The following HIP1 variants were observed in gnomAD, a reference collection of about 807,000 sequenced individuals.
HIP1 encodes the protein huntingtin-interacting protein 1.
HIP1 carries 65 observed loss-of-function variants against 147.6 expected under a neutral mutation model. The ratio of observed to expected loss-of-function variants is 0.44; its 90% CI spans 0.36 to 0.54. The LOEUF (loss-of-function observed/expected upper bound fraction) is 0.54. Ranked by LOEUF, HIP1 falls within the 20% of genes least tolerant of loss-of-function variation. The pLI is 0.00. For missense variants in HIP1, 1,061 were observed against 1,299.6 expected, an observed-to-expected ratio of 0.82 and a Z score of 2.82; for synonymous variants, 479 against 504.0, an observed-to-expected ratio of 0.95 and a Z score of 0.67.
At chr7:75,547,558 G>A (rs1668935) in intron 24 of HIP1, among the ~76,000 whole-genome samples, 197 bp downstream of exon 24, 73,034 of 151,928 alleles carry the variant, frequency 0.48, 18,122 homozygotes, top group South Asian at 0.59. Context: ...GGGAGCTACC[G>A]CGCGGGTTTC....
At chr7:75,558,471 G>T (rs1301672130) in intron 14 of HIP1, among the ~76,000 whole-genome samples, 4 of 152,120 alleles carry the variant, frequency 2.6e-5, no homozygotes, top group Non-Finnish European at 5.9e-5. Flanking sequence ...CTGAGTAGCT[G>T]GGTTCATGGG....
chr7:75,669,989 C>T (rs995682013), intron 1 of HIP1, among the ~76,000 whole-genome samples: 28 of 152,048 alleles, frequency 1.8e-4, no homozygotes, highest in African/African-American at 4.3e-4. Context: ...TTAGTAGAGA[C>T]GGGGTTTCGT....
Position 75,592,487 on chromosome 7 carries a change from T to C in HIP1, c.212A>G (p.Lys71Arg), listed in dbSNP as rs1796530900. Residue 71 changes from lysine (K) to arginine (R), a missense_variant, in exon 3 of 31, where the codon AAA (lysine) becomes AGA (arginine). Around this residue, in one of 3 missense-constraint regions of HIP1, gnomAD observed 225 missense variants for 292.9 expected, o/e 0.77. Coordinates refer to ENST00000336926, the MANE Select transcript of HIP1 (RefSeq NM_005338.7). ...AACAGACCAGAAGGTCTGTGCCCCT[T>C]TCTCATGGTGGGTGCCCAGTATGCA... is the stretch of plus-strand genomic sequence containing the variant. ...RTCILGTHHEKGAQTFWSVVN... is the reference protein window; with the variant it reads ...RTCILGTHHERGAQTFWSVVN... 1 of 1,610,416 alleles carries C rather than the reference T, an allele frequency of 6.2e-7. No individual in the cohort carries two copies. The highest frequency in any genetic ancestry group is 1.3e-5 in the African/African-American group (1 of 74,552).
chr7:75,676,504 C>A (rs1298369542), intron 1 of HIP1, among the ~76,000 whole-genome samples: 2 of 151,532 alleles, frequency 1.3e-5, no homozygotes, highest in African/African-American at 2.4e-5. Context: ...TGGCCTGGCG[C>A]GGTGGCTCAT....
At chr7:75,730,165 G>C (rs868928275) in intron 1 of HIP1, among the ~76,000 whole-genome samples, 30 of 151,992 alleles carry the variant, frequency 2.0e-4, no homozygotes, top group Admixed American at 2.0e-3. Context: ...ATCAGACAGA[G>C]GTGAGGGCAA....
At chr7:75,588,181 C>T (rs1254717046) in intron 4 of HIP1, among the ~76,000 whole-genome samples, 12 of 152,246 alleles carry the variant, frequency 7.9e-5, no homozygotes, top group Admixed American at 1.3e-4. Flanking sequence ...AATTTAATTT[C>T]GAGTGATCTC....
intron 1 of HIP1, among the ~76,000 whole-genome samples, chr7:75,710,204 G>A (rs1801130488): frequency 1.3e-5 from 2 of 152,018 alleles, no homozygotes; most frequent in Admixed American, 6.6e-5. Flanking sequence ...GGCATATTGA[G>A]TGTTTTTATC....
intron 2 of HIP1, among the ~76,000 whole-genome samples, chr7:75,594,175 G>A (rs1796602960): frequency 6.6e-6 from 1 of 152,150 alleles, no homozygotes; most frequent in East Asian, 1.9e-4. Context: ...AGCTACTCAG[G>A]AGGCTGAGGC....
intron 6 of HIP1, among the ~76,000 whole-genome samples, chr7:75,581,802 A>G (rs1796062901): frequency 6.6e-6 from 1 of 152,046 alleles, no homozygotes. Flanking sequence ...AAAAACAGTG[A>G]CAGTGACAGA....
intron 1 of HIP1, among the ~76,000 whole-genome samples, chr7:75,734,285 T>C (rs1227885736): frequency 7.7e-6 from 1 of 129,474 alleles, no homozygotes; most frequent in Non-Finnish European, 1.6e-5. Flanking sequence ...AATAAATAAA[T>C]AAATTTTAAA....
intron 1 of HIP1, among the ~76,000 whole-genome samples, chr7:75,711,409 A>C (rs1801161630): frequency 6.6e-6 from 1 of 152,230 alleles, no homozygotes; most frequent in African/African-American, 2.4e-5. Context: ...GAGGAAAAAA[A>C]GATGGTGAAA....
chr7:75,714,264 T>A (rs1801249570), intron 1 of HIP1, among the ~76,000 whole-genome samples: 1 of 151,342 alleles, frequency 6.6e-6, no homozygotes, highest in Non-Finnish European at 1.5e-5. Context: ...GGTTTCGAAC[T>A]CCTGGCCTCA....
chr7:75,715,372 C>A (rs1174571609), intron 1 of HIP1, among the ~76,000 whole-genome samples: 1 of 147,822 alleles, frequency 6.8e-6, no homozygotes, highest in Non-Finnish European at 1.5e-5. Context: ...GCCTGGGTGA[C>A]AGAATGAGAC....
intron 1 of HIP1, among the ~76,000 whole-genome samples, chr7:75,628,894 A>T (rs1798126487): frequency 2.0e-5 from 3 of 152,152 alleles, no homozygotes; most frequent in Admixed American, 6.5e-5. Flanking sequence ...GACAATCTTC[A>T]CATATACAGG....
chr7:75,635,517 G>A (rs192746651), intron 1 of HIP1, among the ~76,000 whole-genome samples: 1 of 149,960 alleles, frequency 6.7e-6, no homozygotes, highest in South Asian at 2.1e-4. Flanking sequence ...GGCGGAGGCG[G>A]TGGTGAGCCG....
rs1794389295 is a variant in HIP1, at chr7:75,542,891, C to T, written c.2850G>A (p.Val950=). The change falls in exon 28 of 31, where the codon GTG becomes GTA. Residue 950 remains valine, a synonymous_variant. Transcript: ENST00000336926. ...GTGATTTGCCGGAAATGGTTGAGGC[C>T]ACAACGCCGGCAGTGGCCTGGTTCA... The part of the protein sequence containing the change: ...RGVNQATAGV[V]ASTISGKSQI... The T allele has an allele frequency of 6.2e-7, 1 of 1,613,922 alleles. No individual in the cohort carries two copies. The highest frequency in any genetic ancestry group is 1.1e-5 in the South Asian group (1 of 91,074).
At chr7:75,658,226 T>C (rs538943378) in intron 1 of HIP1, among the ~76,000 whole-genome samples, 72 of 152,304 alleles carry the variant, frequency 4.7e-4, no homozygotes, top group Non-Finnish European at 8.2e-4. Context: ...TAGCTGGGAT[T>C]ACACGCATCT....
chr7:75,676,540 G>T lies in HIP1; in HGVS notation c.120+62261C>A, dbSNP rs149887249. Among the ~76,000 whole-genome samples the T allele has an allele frequency of 7.6e-3, 1,150 of 152,022 alleles. 14 individuals carry two copies. Among genetic ancestry groups the T allele is most frequent in the East Asian group, 0.025 (131 of 5,146 alleles). On this transcript the variant is annotated intron_variant, in intron 1 of 30. Coordinates refer to ENST00000336926, the MANE Select transcript of HIP1 (RefSeq NM_005338.7). The stretch of plus-strand genomic sequence containing the variant: ...GCCTGTAATCCCAGCACTTTGGGAG[G>T]CTGAGGCGGGCAGATCACCTAATGT...
At chr7:75,727,079 T>C (rs1488444964) in intron 1 of HIP1, among the ~76,000 whole-genome samples, 1 of 152,060 alleles carries the variant, frequency 6.6e-6, no homozygotes, top group African/African-American at 2.4e-5. Flanking sequence ...TCATTAAGTA[T>C]CTCCTGCTTA....
Sources: gnomAD v4.1 joint callset for allele counts (sites outside exome capture counted in the v4.1 genomes callset) on GRCh38, gnomAD v4.1.1 for gene constraint, gnomAD v4.1.1 regional missense constraint, MANE v1.5 for transcripts, NCBI Gene and HGNC (gene_info 2026-07-23, HGNC 2026-07-21) for gene names.